The following GLYATL1 variants were observed in gnomAD, a reference collection of about 807,000 sequenced individuals.
The protein encoded by GLYATL1 is glycine-N-acyltransferase like 1.
In GLYATL1, 15 loss-of-function variants were observed where a neutral mutation model predicts 20.0. The ratio of observed to expected loss-of-function variants is 0.75; its 90% CI spans 0.50 to 1.15. GLYATL1 has a LOEUF of 1.15. GLYATL1 is among the 50% of genes most tolerant of loss of function. The pLI, the probability that GLYATL1 is intolerant of heterozygous loss-of-function variation, is 0.00. For synonymous variants in GLYATL1, 151 were observed against 131.5 expected (o/e 1.15, Z -1.01); for missense variants, 380 against 368.5 (o/e 1.03, Z -0.26).
chr11:58,955,515 A>C, intron 6 of GLYATL1, 95 bp from the exon 7 acceptor site: 1 of 1,442,602 alleles, frequency 6.9e-7, no homozygotes, highest in Non-Finnish European at 9.5e-7. Flanking sequence ...GAGTCTTTAA[A>C]CAAGAAGAGT....
chr11:58,930,978 C>A (rs1442023580), intron 1 of GLYATL1, among the ~76,000 whole-genome samples: 2 of 152,196 alleles, frequency 1.3e-5, no homozygotes, highest in Non-Finnish European at 2.9e-5. Context: ...ATGATTAGAT[C>A]ATGAGGGCTC....
chr11:58,916,180 C>T (rs1048521890), intron 1 of GLYATL1, among the ~76,000 whole-genome samples: 3 of 152,174 alleles, frequency 2.0e-5, no homozygotes, highest in African/African-American at 4.8e-5. Flanking sequence ...GTACTGCCTC[C>T]TGTACTGCCA....
intron 1 of GLYATL1, among the ~76,000 whole-genome samples, chr11:58,930,750 A>G (rs796416574): frequency 1.3e-5 from 2 of 152,368 alleles, no homozygotes; most frequent in African/African-American, 4.8e-5. Flanking sequence ...AAGGTATACT[A>G]ATGAGTAGGA....
chr11:58,912,588 T>A (rs1855072320), downstream of GLYATL1, among the ~76,000 whole-genome samples: 1 of 152,194 alleles, frequency 6.6e-6, no homozygotes, highest in Non-Finnish European at 1.5e-5. Flanking sequence ...AACTGGATGG[T>A]CAAGATAATA....
At chr11:58,921,882 C>G (rs571975429) in intron 1 of GLYATL1, among the ~76,000 whole-genome samples, 1 of 152,312 alleles carries the variant, frequency 6.6e-6, no homozygotes, top group South Asian at 2.1e-4. Context: ...CTACGAATGC[C>G]ATATTCACCA....
intron 2 of GLYATL1, 107 bp from the exon 3 acceptor site, chr11:58,946,939 T>C (rs1856605788): frequency 1.2e-6 from 1 of 813,098 alleles, no homozygotes; most frequent in Middle Eastern, 2.6e-4. Flanking sequence ...ATGAATATGA[T>C]ACTAACAGTA....
chr11:58,936,888 C>A, upstream of GLYATL1, among the ~76,000 whole-genome samples: 1 of 152,164 alleles, frequency 6.6e-6, no homozygotes, highest in East Asian at 1.9e-4. Context: ...AACCTCATCA[C>A]CAACCCAGAA....
At chr11:58,920,199 C>T (rs555813679) in intron 1 of GLYATL1, among the ~76,000 whole-genome samples, 6 of 152,200 alleles carry the variant, frequency 3.9e-5, no homozygotes, top group African/African-American at 4.8e-5. Flanking sequence ...CACCTGTTTC[C>T]GGGCCCATAC....
intron 1 of GLYATL1, among the ~76,000 whole-genome samples, chr11:58,915,209 T>C (rs1274933753): frequency 6.6e-6 from 1 of 152,236 alleles, no homozygotes; most frequent in Non-Finnish European, 1.5e-5. Flanking sequence ...CATAAACTCT[T>C]AGAAGGCATA....
intron 2 of GLYATL1, among the ~76,000 whole-genome samples, chr11:58,946,261 G>A (rs1474318371): frequency 1.3e-5 from 2 of 152,162 alleles, no homozygotes; most frequent in Non-Finnish European, 2.9e-5. Flanking sequence ...ATTACATTGT[G>A]TAATCTCAAT....
downstream of GLYATL1, among the ~76,000 whole-genome samples, chr11:58,909,170 A>G (rs1478007981): frequency 6.6e-6 from 1 of 152,232 alleles, no homozygotes; most frequent in Non-Finnish European, 1.5e-5. Flanking sequence ...CATATGAGAC[A>G]GATCCTAATG....
intron 4 of GLYATL1, among the ~76,000 whole-genome samples, chr11:58,954,461 G>A (rs1444421761): frequency 6.6e-6 from 1 of 152,120 alleles, no homozygotes; most frequent in Non-Finnish European, 1.5e-5. Flanking sequence ...GAGTGGGTAG[G>A]GAGAAAGGTG....
At chr11:58,931,366 A>C (rs1374331144) in intron 1 of GLYATL1, among the ~76,000 whole-genome samples, 2 of 152,200 alleles carry the variant, frequency 1.3e-5, no homozygotes, top group African/African-American at 4.8e-5. Context: ...TATCCCGATA[A>C]GGTCACATTT....
In GLYATL1 at chr11:58,954,814, G is replaced by T. The variant is rs1333806102; in HGVS notation, c.231G>T (p.Met77Ile). The T allele has an allele frequency of 1.2e-6, 2 of 1,612,752 alleles. No homozygotes were observed. The highest frequency in any genetic ancestry group is 8.5e-7 in the Non-Finnish European group (1 of 1,179,294). Residue 77 changes from methionine (M) to isoleucine (I), a missense_variant, in exon 5 of 7, where the codon ATG becomes ATT. Transcript: ENST00000532726. ...ATTCATACACAAACGTATATCGTAT[G>T]TTCTCCAAAGAGCCTCAAAAATCAG... The part of the protein sequence containing the change: ...DMDSYTNVYR[M>I]FSKEPQKSEE...
chr11:58,933,225 A>G (rs1385667355), intron 1 of GLYATL1, among the ~76,000 whole-genome samples: 1 of 152,220 alleles, frequency 6.6e-6, no homozygotes, highest in Non-Finnish European at 1.5e-5. Flanking sequence ...CAAAATATTA[A>G]TATCTGGAGG....
upstream of GLYATL1, among the ~76,000 whole-genome samples, chr11:58,924,778 A>G (rs1315501705): frequency 6.6e-6 from 1 of 152,162 alleles, no homozygotes; most frequent in Non-Finnish European, 1.5e-5. Flanking sequence ...TAGTTTGGTG[A>G]GTACTGTTGC....
chr11:58,950,057 G>A (rs1007502836), intron 4 of GLYATL1, among the ~76,000 whole-genome samples: 32 of 141,458 alleles, frequency 2.3e-4, no homozygotes, highest in South Asian at 4.5e-4. Context: ...CGAGGCAGGC[G>A]GATCACGAGG....
intron 2 of GLYATL1, 55 bp from the exon 3 acceptor site, chr11:58,946,991 C>A: frequency 7.8e-7 from 1 of 1,274,412 alleles, no homozygotes; most frequent in Non-Finnish European, 1.1e-6. Flanking sequence ...GTATAAAGTG[C>A]ATTTTAAATT....
chr11:58,953,385 A>G (rs927707271), intron 4 of GLYATL1, among the ~76,000 whole-genome samples: 3 of 125,464 alleles, frequency 2.4e-5, no homozygotes, highest in Admixed American at 8.0e-5. Context: ...CATAGCTTAC[A>G]GTCTGTTTTT....
Sources: allele counts gnomAD v4.1 joint callset (sites outside exome capture counted in the v4.1 genomes callset), GRCh38; gene constraint gnomAD v4.1.1; transcripts MANE v1.5; gene names NCBI Gene and HGNC (gene_info 2026-07-23, HGNC 2026-07-21).